The following GSTA1 variants were observed in gnomAD, a reference collection of about 807,000 sequenced individuals.
GSTA1 encodes the protein glutathione S-transferase alpha 1, also known as glutathione S-transferase A1.
Under a neutral mutation model 21.5 loss-of-function variants are expected in GSTA1, and 23 were observed. The ratio of observed to expected loss-of-function variants is 1.07; its 90% confidence interval spans 0.77 to 1.52. The LOEUF (loss-of-function observed/expected upper bound fraction) is 1.52. GSTA1 is among the 40% of genes most tolerant of loss of function. GSTA1 has a pLI of 0.00. For missense variants in GSTA1, 301 were observed against 264.2 expected, an observed-to-expected ratio of 1.14 and a Z score of -0.96; for synonymous variants, 125 against 90.0, an observed-to-expected ratio of 1.39 and a Z score of -2.20.
At chr6:52,792,723 C>A (rs1298135638) in intron 6 of GSTA1, 133 bp downstream of exon 6, 3 of 1,597,916 alleles carry the variant, frequency 1.9e-6, no homozygotes, top group Admixed American at 1.7e-5. Context: ...AGCCTGGAAG[C>A]TCATTTTGGA....
intron 4 of GSTA1, 49 bp downstream of exon 4, chr6:52,796,133 A>G (rs1763573460): frequency 6.2e-7 from 1 of 1,610,738 alleles, no homozygotes; most frequent in Non-Finnish European, 8.5e-7. Flanking sequence ...GGAAGGACCT[A>G]AATCACTCTG....
rs959217657 is a variant in GSTA1 at position 52,795,820 on chromosome 6, A to C, written c.272+362T>G. 1.6e-4 allele frequency among the ~76,000 whole-genome samples: 25 copies of C among 152,098 alleles called. 1 individual carries two copies. ...TTTCCCTCCCCAGTCCTTCATCTAC[A>C]GACTCTCACATATTCTATGCCTGTC... is the stretch of plus-strand genomic sequence containing the variant. On this transcript the variant is annotated intron_variant, in intron 4 of 6. Transcript: ENST00000334575.
At chr6:52,792,786 G>C (rs531139869) in intron 6 of GSTA1, 70 bp downstream of exon 6, 13 of 1,610,946 alleles carry the variant, frequency 8.1e-6, no homozygotes, top group Admixed American at 3.3e-5. Flanking sequence ...TTGGTCAGTC[G>C]CAGGGCCCAG....
rs779857077 is a variant in GSTA1 at position 52,792,858 on chromosome 6, T to C, written c.544A>G (p.Lys182Glu). 5 of 1,613,810 alleles carry C rather than the reference T, an allele frequency of 3.1e-6. No individual in the cohort carries two copies. The highest frequency in any genetic ancestry group is 2.2e-5 in the South Asian group (2 of 91,088). ...CTCTGGGCTGTGAAATGGGTCACCT[T>C]CAGCAGAGGGAAGCTGGAGATAAGA... ...SSLISSFPLL[K>E]ALKTRISNLP... The change falls in exon 6 of 7, where the codon AAG becomes GAG. Residue 182 changes from lysine (K) to glutamate (E), a missense_variant and splice_region_variant. Lys to Glu is a moderately conservative substitution (Grantham distance 56). Coordinates refer to ENST00000334575, the MANE Select transcript of GSTA1 (RefSeq NM_145740.5).
rs760610859 is a variant in GSTA1, at chr6:52,792,790, G to A, written c.546+66C>T. 3 of 1,612,254 alleles carry A rather than the reference G, an allele frequency of 1.9e-6. No individual in the cohort carries two copies. In the South Asian group the frequency reaches 3.3e-5, roughly 18 times the overall value. On this transcript the variant is annotated intron_variant, in intron 6 of 6. Coordinates refer to ENST00000334575, the MANE Select transcript of GSTA1 (RefSeq NM_145740.5). ...TGGGGCAAAACTTGGTCAGTCGCAG[G>A]GCCCAGATACAAGATCCCAAGATGG...
chr6:52,801,120 A>C (rs1421899313), intron 1 of GSTA1, among the ~76,000 whole-genome samples: 2 of 152,160 alleles, frequency 1.3e-5, no homozygotes, highest in Non-Finnish European at 2.9e-5. Context: ...ACCTCAGGTG[A>C]TCCACTCGCC....
At chr6:52,794,912 T>C (rs572313840) in intron 4 of GSTA1, among the ~76,000 whole-genome samples, 2 of 152,330 alleles carry the variant, frequency 1.3e-5, no homozygotes, top group East Asian at 3.9e-4. Flanking sequence ...TTTTCTTCTT[T>C]TGTGTCAAAC....
In GSTA1 at chr6:52,792,785, C is replaced by T. The variant is rs774333541; in HGVS notation, c.546+71G>A. 186 of 1,611,900 alleles carry T rather than the reference C, an allele frequency of 1.2e-4. No homozygotes were observed. The Middle Eastern group carries it at 2.3e-3, about 20-fold the overall frequency. ...AAGACTGGGGCAAAACTTGGTCAGT[C>T]GCAGGGCCCAGATACAAGATCCCAA... On this transcript the variant is annotated intron_variant, in intron 6 of 6. Coordinates refer to ENST00000334575, the MANE Select transcript of GSTA1 (RefSeq NM_145740.5).
chr6:52,796,404 G>A, intron 3 of GSTA1, 90 bp from the exon 4 acceptor site: 1 of 1,547,704 alleles, frequency 6.5e-7, no homozygotes, highest in Admixed American at 1.9e-5. Flanking sequence ...GACTAAATTT[G>A]TAAAATGGCA....
intron 1 of GSTA1, among the ~76,000 whole-genome samples, chr6:52,799,912 A>C (rs1763674721): frequency 6.6e-6 from 1 of 152,062 alleles, no homozygotes; most frequent in Non-Finnish European, 1.5e-5. Context: ...GAGCTAAGTC[A>C]CTCTTCACCT....
rs532178255 is a variant in GSTA1 at position 52,794,432 on chromosome 6, C to T, written c.273-166G>A. Among the ~76,000 whole-genome samples, 7 of 152,296 alleles carry T rather than the reference C, an allele frequency of 4.6e-5. No individual in the cohort carries two copies. The East Asian group carries it at 1.4e-3, about 29-fold the overall frequency. On this transcript the variant is annotated intron_variant, in intron 4 of 6. Transcript: ENST00000334575. The stretch of plus-strand genomic sequence containing the variant: ...GCTCTGAGTTTTACAGGTATATTAA[C>T]ATTTATCTCTTAACCTATCAAGGTA...
At position 52,791,740 on chromosome 6, in the gene GSTA1, A is replaced by G; in HGVS notation, c.*118T>C. 8.3e-7 allele frequency: 1 copy of G among 1,198,230 alleles called. No individual in the cohort carries two copies. Among genetic ancestry groups the G allele is most frequent in the Non-Finnish European group, 1.2e-6 (1 of 837,902 alleles). The allele number at this position is 1,198,230 out of a possible 1,614,324, so 74.2% of individuals were successfully genotyped here. On this transcript the variant is annotated 3_prime_UTR_variant, in exon 7 of 7. Transcript: ENST00000334575. ...AGTTGTATTATTTAATTAGCATATAATTTGAAAGAGTTCATTAGCTTCACA... is the reference window on the plus strand; with the variant it reads ...AGTTGTATTATTTAATTAGCATATAGTTTGAAAGAGTTCATTAGCTTCACA...
At chr6:52,798,943 T>A (rs1460880402) in intron 2 of GSTA1, among the ~76,000 whole-genome samples, 3 of 152,262 alleles carry the variant, frequency 2.0e-5, no homozygotes, top group Non-Finnish European at 2.9e-5. Context: ...TAAATTCTAA[T>A]CCACTTAAGT....
chr6:52,799,418 T>G, intron 1 of GSTA1, 121 bp from the exon 2 acceptor site: 1 of 649,268 alleles, frequency 1.5e-6, no homozygotes, highest in South Asian at 2.3e-5. Flanking sequence ...ATGACTGTGT[T>G]GGAGGAGTTC....
intron 1 of GSTA1, among the ~76,000 whole-genome samples, chr6:52,803,570 T>A (rs186962619): frequency 6.6e-6 from 1 of 152,194 alleles, no homozygotes; most frequent in Admixed American, 6.5e-5. Flanking sequence ...AAGCCCTGGT[T>A]TTCTAAATTC....
Position 52,793,851 on chromosome 6 carries a change from C to T in GSTA1, c.414+274G>A, listed in dbSNP as rs185031099. Among the ~76,000 whole-genome samples the T allele has an allele frequency of 5.7e-3, 865 of 152,324 alleles. 8 individuals are homozygous for T. Among genetic ancestry groups the T allele is most frequent in the Non-Finnish European group, 7.0e-3 (476 of 68,034 alleles). On this transcript the variant is annotated intron_variant, in intron 5 of 6. Transcript: ENST00000334575. ...AACCTCTAGTGTGGTCCAGAGCCCA[C>T]ATTCTACTTATGAACATGAAATCTT...
At chr6:52,792,332 A>C (rs2127300122) in intron 6 of GSTA1, among the ~76,000 whole-genome samples, 1 of 152,290 alleles carries the variant, frequency 6.6e-6, no homozygotes, top group South Asian at 2.1e-4. Context: ...AACATGGGGA[A>C]ATTATTTGGG....
chr6:52,800,355 C>A lies in GSTA1; in HGVS notation c.-30-1058G>T, dbSNP rs146117788. Among the ~76,000 whole-genome samples the A allele has an allele frequency of 2.9e-3, 441 of 152,228 alleles. 9 individuals are homozygous for A. The highest frequency in any genetic ancestry group is 0.022 in the East Asian group (114 of 5,184). On this transcript the variant is annotated intron_variant, in intron 1 of 6. Coordinates refer to ENST00000334575, the MANE Select transcript of GSTA1 (RefSeq NM_145740.5). ...AGTCTTATTTTCTATGTTAGTGTTT[C>A]TGAAATATGCATGGTAATCTTTCAG...
Position 52,791,600 on chromosome 6 carries a change from T to A in GSTA1, c.*258A>T, listed in dbSNP as rs1581791134. The A allele has an allele frequency of 2.5e-6, 1 of 407,604 alleles. No homozygotes were observed. The highest frequency in any genetic ancestry group is 4.3e-6 in the Non-Finnish European group (1 of 230,584). 25.2% of individuals were successfully genotyped at this position (407,604 alleles called of 1,614,324 possible). ...ACAAACCACATAATCTATAGTTTCC[T>A]TTTTTACTGAATTTTTAATTCCAGG... On this transcript the variant is annotated 3_prime_UTR_variant, in exon 7 of 7. Coordinates refer to ENST00000334575, the MANE Select transcript of GSTA1 (RefSeq NM_145740.5).
Sources: gnomAD v4.1 joint callset for allele counts (sites outside exome capture counted in the v4.1 genomes callset) on GRCh38, gnomAD v4.1.1 for gene constraint, MANE v1.5 for transcripts, NCBI Gene and HGNC (gene_info 2026-07-23, HGNC 2026-07-21) for gene names.